Variants in UGT1A10 observed in about 807,000 individuals in gnomAD.
UGT1A10 encodes UDP glucuronosyltransferase family 1 member A10.
UGT1A10 carries 49 observed loss-of-function variants against 45.8 expected under a neutral mutation model. The observed-to-expected ratio is 1.07, with a 90% CI of 0.85 to 1.36. The LOEUF (loss-of-function observed/expected upper bound fraction) is 1.36, where lower values mean the gene tolerates loss of function less well. Among genes scored for constraint, UGT1A10 ranks in the 40% most tolerant of loss-of-function variants. The probability of loss-of-function intolerance (pLI) is 0.00; values close to 1 mark genes in which losing one functional copy is unlikely to be tolerated. For synonymous variants in UGT1A10, 284 were observed against 249.7 expected (o/e 1.14, Z -1.29); for missense variants, 745 against 668.6 (o/e 1.11, Z -1.26).
chr2:233,655,054 A>T (rs541096833), intron 1 of UGT1A10, among the ~76,000 whole-genome samples: 35 of 152,206 alleles, frequency 2.3e-4, no homozygotes, highest in African/African-American at 8.4e-4. Flanking sequence ...ATACCACTGC[A>T]CTCCAGCCTG....
rs747907611 is a variant in UGT1A10 at position 233,695,435 on chromosome 2, CTTT to C, written c.855+58066_855+58068del. Among the ~76,000 whole-genome samples the C allele has an allele frequency of 1.2e-4, 16 of 130,504 alleles. No individual in the cohort carries two copies. The South Asian group carries it at 1.3e-3, about 11-fold the overall frequency. 85.6% of individuals were successfully genotyped at this position (130,504 alleles called of 152,430 possible). Reference sequence around the variant, plus strand: ...TACCGCGCCCGGCCTTCTTCTTCTTCTTTTTTTTTTGATCAACGTGCTTTATTG... The same window carrying C: ...TACCGCGCCCGGCCTTCTTCTTCTTCTTTTTTTGATCAACGTGCTTTATTG... On this transcript the variant is annotated intron_variant, in intron 1 of 4. Coordinates refer to ENST00000344644, the MANE Select transcript of UGT1A10 (RefSeq NM_019075.4).
intron 1 of UGT1A10, chr2:233,648,844 A>G: frequency 8.6e-7 from 1 of 1,167,992 alleles, no homozygotes; most frequent in Non-Finnish European, 1.2e-6. Context: ...ATATTTTTTC[A>G]AAAATGCCTT....
intron 1 of UGT1A10, among the ~76,000 whole-genome samples, chr2:233,699,067 C>A (rs918094960): frequency 6.6e-6 from 1 of 152,338 alleles, no homozygotes. Flanking sequence ...CCAGCCCTGC[C>A]CAGGGCCTTC....
At chr2:233,756,970 G>A (rs550793027) in intron 1 of UGT1A10, among the ~76,000 whole-genome samples, 57 of 152,062 alleles carry the variant, frequency 3.7e-4, no homozygotes, top group Non-Finnish European at 5.3e-4. Context: ...TGGTAAGCAC[G>A]CAATGAACAG....
chr2:233,647,660 G>C lies in UGT1A10; in HGVS notation c.855+10283G>C, dbSNP rs543757621. Among the ~76,000 whole-genome samples, 3 of 152,298 alleles carry C rather than the reference G, an allele frequency of 2.0e-5. No homozygotes were observed. In the South Asian group the frequency reaches 6.2e-4, roughly 32 times the overall value. On this transcript the variant is annotated intron_variant, in intron 1 of 4. Coordinates refer to ENST00000344644, the MANE Select transcript of UGT1A10 (RefSeq NM_019075.4). ...GAAATTTGTCCATTCCATCTAAGTT[G>C]TAGATTTTATTGGCATGAACTTGTT...
intron 1 of UGT1A10, among the ~76,000 whole-genome samples, chr2:233,735,215 A>G (rs1250944794): frequency 6.6e-6 from 1 of 152,166 alleles, no homozygotes; most frequent in Non-Finnish European, 1.5e-5. Flanking sequence ...GGGTGCATAT[A>G]TATTTAGGAT....
intron 1 of UGT1A10, among the ~76,000 whole-genome samples, chr2:233,749,248 A>AT (rs1216234192): frequency 2.0e-5 from 3 of 151,926 alleles, no homozygotes; most frequent in East Asian, 1.9e-4. Flanking sequence ...AAACCACATG[A>AT]TTTTTTTATT....
chr2:233,772,622 C>G lies in UGT1A10; in HGVS notation c.*63C>G. ...CCCTAGTCATTTCCAAACTTGAAAA[C>G]AGAATCAGTGTTAAATTCATTTTAT... On this transcript the variant is annotated 3_prime_UTR_variant, in exon 5 of 5. Transcript: ENST00000344644. 2.6e-6 allele frequency: 4 copies of G among 1,567,434 alleles called. No individual in the cohort carries two copies. The highest frequency in any genetic ancestry group is 3.5e-6 in the Non-Finnish European group (4 of 1,155,382).
chr2:233,754,489 A>T, intron 1 of UGT1A10: 1 of 357,276 alleles, frequency 2.8e-6, no homozygotes. Context: ...TTTCAATCCT[A>T]AAAAAAGTCC....
At chr2:233,764,492 C>G (rs1698575712) in intron 1 of UGT1A10, among the ~76,000 whole-genome samples, 1 of 152,096 alleles carries the variant, frequency 6.6e-6, no homozygotes, top group African/African-American at 2.4e-5. Context: ...TGTTTATGGA[C>G]CTGTGGGTTC....
chr2:233,733,522 T>C (rs2078409587), intron 1 of UGT1A10, among the ~76,000 whole-genome samples: 1 of 152,228 alleles, frequency 6.6e-6, no homozygotes, highest in Non-Finnish European at 1.5e-5. Flanking sequence ...CATGAAGGGA[T>C]GTTTAATTTT....
At chr2:233,754,817 C>A in intron 1 of UGT1A10, 1 of 1,330,844 alleles carries the variant, frequency 7.5e-7, no homozygotes, top group East Asian at 4.7e-5. Flanking sequence ...AAAAACCACC[C>A]TCAAAAGCTG....
intron 4 of UGT1A10, among the ~76,000 whole-genome samples, chr2:233,771,914 AAC>A (rs1700408525): frequency 6.6e-6 from 1 of 152,068 alleles, no homozygotes; most frequent in African/African-American, 2.4e-5. Flanking sequence ...TGATAATAGT[AAC>A]ACAGCCTGGG....
chr2:233,693,271 C>T, intron 1 of UGT1A10: 2 of 1,614,100 alleles, frequency 1.2e-6, no homozygotes, highest in Non-Finnish European at 1.7e-6. Context: ...AGCTGAAGAA[C>T]CGTTACCAAT....
chr2:233,725,261 AGAG>A lies in UGT1A10; in HGVS notation c.856-41768_856-41766del, dbSNP rs754749858. 7.0e-4 allele frequency among the ~76,000 whole-genome samples: 22 copies of A among 31,252 alleles called. 3 individuals carry two copies. The highest frequency in any genetic ancestry group is 4.3e-3 in the African/African-American group (20 of 4,634). The allele number at this position is 31,252 out of a possible 152,430, so 20.5% of individuals were successfully genotyped here. A position where few individuals can be genotyped will look rare whatever the true frequency, so the allele number is the denominator to read the frequency against. ...AGGCAGAGGCAGAGGAGGCAGAGGC[AGAG>A]GAGGCAGAGGCAGAGGCAGAGGCAG... On this transcript the variant is annotated intron_variant, in intron 1 of 4. Transcript: ENST00000344644.
At chr2:233,672,698 C>A in intron 1 of UGT1A10, 1 of 1,613,904 alleles carries the variant, frequency 6.2e-7, no homozygotes, top group South Asian at 1.1e-5. Context: ...TTGTTGCGAA[C>A]GGACTTTGTT....
chr2:233,678,276 G>C (rs1382711038), intron 1 of UGT1A10, among the ~76,000 whole-genome samples: 1 of 152,168 alleles, frequency 6.6e-6, no homozygotes, highest in East Asian at 1.9e-4. Context: ...ATATACTCAG[G>C]TAACCTGCAC....
intron 1 of UGT1A10, chr2:233,672,507 C>G: frequency 6.2e-7 from 1 of 1,613,930 alleles, no homozygotes; most frequent in Non-Finnish European, 8.5e-7. Flanking sequence ...CCTATGTCCC[C>G]AGAATTCTCT....
At chr2:233,662,390 T>C (rs2073991473) in intron 1 of UGT1A10, among the ~76,000 whole-genome samples, 1 of 152,202 alleles carries the variant, frequency 6.6e-6, no homozygotes, top group Non-Finnish European at 1.5e-5. Context: ...CTAATATATT[T>C]ATTGCAACAA....
Sources: allele counts gnomAD v4.1 joint callset (sites outside exome capture counted in the v4.1 genomes callset), GRCh38; gene constraint gnomAD v4.1.1; transcripts MANE v1.5; gene names NCBI Gene and HGNC (gene_info 2026-07-23, HGNC 2026-07-21).